RAG1: variants seen among roughly 807,000 people sequenced by gnomAD.
RAG1 encodes the protein recombination activating 1.
A neutral mutation model predicts 62.7 loss-of-function variants in RAG1; 35 were observed. The observed-to-expected ratio is 0.56, with a 90% CI of 0.43 to 0.74. The LOEUF is 0.74. Among genes scored for constraint, RAG1 ranks in the 30% least tolerant of loss-of-function variants. The pLI is 0.00. For synonymous variants in RAG1, 461 were observed against 470.3 expected, an observed-to-expected ratio of 0.98 and a Z score of 0.26; for missense variants, 1,169 against 1,278.6, an observed-to-expected ratio of 0.91 and a Z score of 1.31.
chr11:36,574,967 A>G lies in RAG1; in HGVS notation c.1663A>G (p.Thr555Ala). 6.2e-7 allele frequency: 1 copy of G among 1,614,174 alleles called. No homozygotes were observed. The highest frequency in any genetic ancestry group is 8.5e-7 in the Non-Finnish European group (1 of 1,180,026). The stretch of plus-strand genomic sequence containing the variant: ...CTCTGTGGATGATTACCCAGTGGAC[A>G]CCATTGCAAAGAGGTTCCGCTATGA... ...SSSVDDYPVD[T>A]IAKRFRYDSA... Residue 555 changes from threonine (T) to alanine (A), a missense_variant, in exon 2 of 2, where the codon ACC becomes GCC. Physicochemically the swap from Thr to Ala is moderately conservative, Grantham distance 58. This residue lies in a region of RAG1 where 800 missense variants were observed against 943.3 expected (regional missense o/e 0.85). Transcript: ENST00000299440.
chr11:36,514,202 G>A (rs1859964908), intron 1 of RAG1, among the ~76,000 whole-genome samples: 1 of 152,152 alleles, frequency 6.6e-6, no homozygotes, highest in Non-Finnish European at 1.5e-5. Flanking sequence ...TCCAGCCCCA[G>A]TCAAGCCATC....
At chr11:36,548,110 T>G (rs184558676) in intron 3 of RAG1, among the ~76,000 whole-genome samples, 21 of 152,266 alleles carry the variant, frequency 1.4e-4, no homozygotes, top group Non-Finnish European at 2.5e-4. Flanking sequence ...AACTAGGTAT[T>G]GATGGAATGT....
chr11:36,543,415 G>A (rs150302810), intron 3 of RAG1, among the ~76,000 whole-genome samples: 98 of 152,324 alleles, frequency 6.4e-4, no homozygotes, highest in Non-Finnish European at 1.1e-3. Flanking sequence ...GCCACATGCC[G>A]GCATGCCATA....
At chr11:36,537,067 A>T (rs1377970755), downstream of RAG1, among the ~76,000 whole-genome samples, 1 of 151,750 alleles carries the variant, frequency 6.6e-6, no homozygotes, top group East Asian at 1.9e-4. Context: ...CAATATATTC[A>T]CTTTAAATAC....
downstream of RAG1, chr11:36,536,116 A>G (rs1202784671): frequency 6.6e-6 from 1 of 152,192 alleles, no homozygotes; most frequent in Non-Finnish European, 1.5e-5. Flanking sequence ...ATATAAATGG[A>G]TGGAAGTCAC....
At chr11:36,523,317 T>C (rs1315995796) in intron 2 of RAG1, among the ~76,000 whole-genome samples, 1 of 152,238 alleles carries the variant, frequency 6.6e-6, no homozygotes, top group Admixed American at 6.5e-5. Flanking sequence ...TCATAAGTTC[T>C]GACGGTTTTA....
chr11:36,561,320 CCA>C (rs1850581058), intron 3 of RAG1, among the ~76,000 whole-genome samples: 1 of 152,188 alleles, frequency 6.6e-6, no homozygotes, highest in South Asian at 2.1e-4. Flanking sequence ...CCCTGGAATT[CCA>C]CAGAGGGAAC....
chr11:36,557,264 T>C (rs1177504235), intron 3 of RAG1, among the ~76,000 whole-genome samples: 2 of 62,522 alleles, frequency 3.2e-5, no homozygotes, highest in Admixed American at 1.7e-4. Context: ...ATCAGCGAGA[T>C]TCCGTGGGCG....
chr11:36,548,931 AC>A (rs1459224996), intron 3 of RAG1, among the ~76,000 whole-genome samples: 1 of 152,166 alleles, frequency 6.6e-6, no homozygotes, highest in African/African-American at 2.4e-5. Flanking sequence ...AGGTATATAG[AC>A]CCATGGAACC....
chr11:36,550,711 C>T (rs554746833), intron 3 of RAG1, among the ~76,000 whole-genome samples: 2 of 152,246 alleles, frequency 1.3e-5, no homozygotes, highest in East Asian at 3.9e-4. Flanking sequence ...TTTTCCTTCT[C>T]TTGCCTAGTT....
intron 3 of RAG1, among the ~76,000 whole-genome samples, chr11:36,561,872 G>A (rs367597227): frequency 4.6e-5 from 7 of 152,094 alleles, no homozygotes; most frequent in African/African-American, 7.2e-5. Flanking sequence ...TATTGGCTCC[G>A]TTTTTCTGAA....
chr11:36,544,965 C>T (rs534284390), intron 3 of RAG1, among the ~76,000 whole-genome samples: 28 of 152,308 alleles, frequency 1.8e-4, no homozygotes, highest in Admixed American at 3.3e-4. Context: ...TCAATTAAAC[C>T]TCTTCTCTTT....
At chr11:36,518,948 G>A (rs1038611149) in intron 1 of RAG1, among the ~76,000 whole-genome samples, 11 of 152,096 alleles carry the variant, frequency 7.2e-5, no homozygotes, top group Non-Finnish European at 1.6e-4. Flanking sequence ...ATGAGTGTTC[G>A]CTTTCTTATA....
At position 36,575,674 on chromosome 11, in the gene RAG1, A is replaced by G; in HGVS notation, c.2370A>G (p.Thr790=). The change falls in exon 2 of 2, where the codon ACA becomes ACG. Residue 790 remains threonine (T), a synonymous_variant. Coordinates refer to ENST00000299440, the MANE Select transcript of RAG1 (RefSeq NM_000448.3). This position sits in a 1 kb window ranked among gnomAD's most constrained non-coding sequence, Gnocchi z 4.1. The part of the protein sequence containing the change: ...KGVSAKPFIE[T]VPSIDALHCD... Reference sequence around the variant, plus strand: ...TCTCAGCTAAACCTTTCATTGAGACAGTCCCTTCCATAGATGCACTCCACT... The same window carrying G: ...TCTCAGCTAAACCTTTCATTGAGACGGTCCCTTCCATAGATGCACTCCACT... 2.5e-6 allele frequency: 4 copies of G among 1,614,212 alleles called. No individual in the cohort carries two copies. The highest frequency in any genetic ancestry group is 3.4e-6 in the Non-Finnish European group (4 of 1,180,022).
chr11:36,524,503 T>A (rs1455314446), intron 2 of RAG1, among the ~76,000 whole-genome samples: 1 of 151,528 alleles, frequency 6.6e-6, no homozygotes, highest in Non-Finnish European at 1.5e-5. Context: ...TTTTTTTTTT[T>A]TTCAGACAAG....
At chr11:36,518,784 C>T (rs557271183) in intron 1 of RAG1, among the ~76,000 whole-genome samples, 13 of 152,242 alleles carry the variant, frequency 8.5e-5, no homozygotes, top group African/African-American at 2.4e-4. Flanking sequence ...TTCTCCCATT[C>T]TATAGGTTGC....
At chr11:36,523,224 T>A (rs1860108371) in intron 2 of RAG1, among the ~76,000 whole-genome samples, 1 of 152,224 alleles carries the variant, frequency 6.6e-6, no homozygotes, top group South Asian at 2.1e-4. Context: ...AATTCCCACG[T>A]GTTATGGGAA....
chr11:36,528,028 A>G (rs1860192265), intron 2 of RAG1, among the ~76,000 whole-genome samples: 1 of 151,944 alleles, frequency 6.6e-6, no homozygotes, highest in African/African-American at 2.4e-5. Flanking sequence ...AGAGGCTTAG[A>G]CTCCCACACA....
At chr11:36,529,495 A>T (rs904661241) in intron 2 of RAG1, among the ~76,000 whole-genome samples, 32 of 152,220 alleles carry the variant, frequency 2.1e-4, no homozygotes, top group African/African-American at 7.0e-4. Context: ...AACGTATCTC[A>T]AAATAATAAG....
Sources: gnomAD v4.1 joint callset for allele counts (sites outside exome capture counted in the v4.1 genomes callset) on GRCh38, gnomAD v4.1.1 for gene constraint, gnomAD v4.1.1 regional missense constraint, Gnocchi (gnomAD v3.1) non-coding constraint, MANE v1.5 for transcripts, NCBI Gene and HGNC (gene_info 2026-07-23, HGNC 2026-07-21) for gene names.